Variants in PDCD1LG2 observed in about 807,000 individuals in gnomAD.
The protein encoded by PDCD1LG2 is B7 dendritic cell molecule.
PDCD1LG2 carries 32 observed loss-of-function variants against 28.2 expected under a neutral mutation model. The observed-to-expected ratio is 1.13, with a 90% CI of 0.86 to 1.52. The LOEUF (loss-of-function observed/expected upper bound fraction) is 1.52, where lower values mean the gene tolerates loss of function less well. Among genes scored for constraint, PDCD1LG2 ranks in the 40% most tolerant of loss-of-function variants. PDCD1LG2 has a pLI of 0.00. For synonymous variants in PDCD1LG2, 116 were observed against 120.2 expected, an observed-to-expected ratio of 0.97 and a Z score of 0.23; for missense variants, 385 against 323.8, an observed-to-expected ratio of 1.19 and a Z score of -1.45.
intron 1 of PDCD1LG2, among the ~76,000 whole-genome samples, chr9:5,512,964 C>A (rs180787855): frequency 8.5e-5 from 13 of 152,278 alleles, no homozygotes; most frequent in Admixed American, 2.6e-4. Flanking sequence ...TTCCTTGCTT[C>A]CTTTTTCTGA....
At chr9:5,545,451 AG>A (rs1241646966) in intron 3 of PDCD1LG2, among the ~76,000 whole-genome samples, 4 of 152,262 alleles carry the variant, frequency 2.6e-5, no homozygotes, top group Non-Finnish European at 5.9e-5. Context: ...TTCTAGAGGA[AG>A]TAGGAGTTTC....
intron 4 of PDCD1LG2, among the ~76,000 whole-genome samples, chr9:5,552,582 G>T (rs1435121538): frequency 6.6e-6 from 1 of 152,176 alleles, no homozygotes; most frequent in Non-Finnish European, 1.5e-5. Context: ...CCACCATCAA[G>T]TACAGTTGGG....
intron 3 of PDCD1LG2, among the ~76,000 whole-genome samples, chr9:5,540,621 T>C (rs190097631): frequency 3.4e-3 from 522 of 151,614 alleles, no homozygotes; most frequent in Middle Eastern, 0.027. Flanking sequence ...CTAGAGGAGA[T>C]GGATACATTC....
In PDCD1LG2 at chr9:5,522,522, G is replaced by A; in HGVS notation, c.-14-11G>A. ...TCACAAGGCCCTGAGACTTTCAATT[G>A]TCTATTTCAGATCAAATACAGAACA... On this transcript the variant is annotated splice_polypyrimidine_tract_variant and intron_variant, in intron 1 of 6. Coordinates refer to ENST00000397747, the MANE Select transcript of PDCD1LG2 (RefSeq NM_025239.4). 1 of 1,609,854 alleles carries A rather than the reference G, an allele frequency of 6.2e-7. No individual in the cohort carries two copies. The highest frequency in any genetic ancestry group is 8.5e-7 in the Non-Finnish European group (1 of 1,177,238).
chr9:5,527,814 A>G (rs1304774852), intron 2 of PDCD1LG2, among the ~76,000 whole-genome samples: 1 of 151,606 alleles, frequency 6.6e-6, no homozygotes, highest in East Asian at 1.9e-4. Flanking sequence ...CCTTCCCAGC[A>G]CTGGTATTCT....
Position 5,558,641 on chromosome 9 carries a change from C to T in PDCD1LG2, c.766+889C>T, listed in dbSNP as rs191736770. Among the ~76,000 whole-genome samples, 158 of 152,362 alleles carry T rather than the reference C, an allele frequency of 1.0e-3. 1 individual carries two copies. Among genetic ancestry groups the T allele is most frequent in the Admixed American group, 9.6e-3 (147 of 15,302 alleles). On this transcript the variant is annotated intron_variant, in intron 5 of 6. Transcript: ENST00000397747. ...GGAATTTTAAGTGGTTGTTATCTTA[C>T]ATTTATACTCATAACTTCTATATTT...
chr9:5,557,375 C>T (rs539696129), intron 4 of PDCD1LG2, among the ~76,000 whole-genome samples: 3 of 152,292 alleles, frequency 2.0e-5, no homozygotes, highest in African/African-American at 7.2e-5. Context: ...GGGAAAGCTT[C>T]CTAGTCTCTC....
intron 1 of PDCD1LG2, among the ~76,000 whole-genome samples, chr9:5,518,595 T>C (rs1820213208): frequency 1.3e-5 from 2 of 152,246 alleles, no homozygotes; most frequent in Non-Finnish European, 2.9e-5. Context: ...AGCATTTCCC[T>C]GTGGAAAGCA....
chr9:5,548,489 A>T (rs1586812257), intron 3 of PDCD1LG2, among the ~76,000 whole-genome samples: 1 of 152,238 alleles, frequency 6.6e-6, no homozygotes, highest in East Asian at 1.9e-4. Context: ...TCAACATACT[A>T]AATTCAATTC....
intron 3 of PDCD1LG2, among the ~76,000 whole-genome samples, chr9:5,548,110 T>C (rs1275000955): frequency 1.3e-5 from 2 of 151,998 alleles, no homozygotes; most frequent in Non-Finnish European, 2.9e-5. Context: ...TCATCACACA[T>C]GGCAATAGAT....
chr9:5,523,558 C>T (rs539229573), intron 2 of PDCD1LG2, among the ~76,000 whole-genome samples: 1 of 152,300 alleles, frequency 6.6e-6, no homozygotes, highest in South Asian at 2.1e-4. Context: ...CACTTGGGGC[C>T]CTCCTCAAAG....
intron 4 of PDCD1LG2, among the ~76,000 whole-genome samples, chr9:5,552,249 G>C (rs1434232008): frequency 6.6e-6 from 1 of 152,142 alleles, no homozygotes; most frequent in East Asian, 1.9e-4. Flanking sequence ...TGATAATCAA[G>C]ATTGATTTCT....
intron 6 of PDCD1LG2, among the ~76,000 whole-genome samples, chr9:5,566,988 G>C (rs866416357): frequency 2.0e-5 from 3 of 152,058 alleles, no homozygotes; most frequent in East Asian, 1.9e-4. Context: ...ATCAAGTATT[G>C]CTTTTTACTT....
intron 6 of PDCD1LG2, 69 bp downstream of exon 6, chr9:5,563,280 C>G: frequency 7.6e-7 from 1 of 1,310,326 alleles, no homozygotes. Flanking sequence ...TTTAAAGTAA[C>G]CACTGTTCTA....
rs138449486 is a variant in PDCD1LG2 at position 5,554,906 on chromosome 9, T to C, written c.632-2712T>C. 1.1e-3 allele frequency among the ~76,000 whole-genome samples: 162 copies of C among 152,306 alleles called. 1 individual carries two copies. The highest frequency in any genetic ancestry group is 3.8e-3 in the African/African-American group (157 of 41,564). ...ACTCTAGCACTCAGTCTCTCATGTG[T>C]AGCATGAGGGTGAGTAGTGGTAGAC... is the stretch of plus-strand genomic sequence containing the variant. On this transcript the variant is annotated intron_variant, in intron 4 of 6. Coordinates refer to ENST00000397747, the MANE Select transcript of PDCD1LG2 (RefSeq NM_025239.4).
chr9:5,517,525 G>T (rs1270033047), intron 1 of PDCD1LG2, among the ~76,000 whole-genome samples: 2 of 152,196 alleles, frequency 1.3e-5, no homozygotes, highest in African/African-American at 4.8e-5. Flanking sequence ...TGTCTTGGCT[G>T]TTGAAAAAAC....
intron 1 of PDCD1LG2, among the ~76,000 whole-genome samples, chr9:5,511,088 T>C (rs777177837): frequency 6.6e-6 from 1 of 152,188 alleles, no homozygotes; most frequent in Non-Finnish European, 1.5e-5. Flanking sequence ...ATTCTTAAGA[T>C]TGTCTCTCAG....
intron 4 of PDCD1LG2, among the ~76,000 whole-genome samples, chr9:5,551,604 C>T (rs1182388512): frequency 2.0e-5 from 3 of 152,164 alleles, no homozygotes; most frequent in African/African-American, 7.2e-5. Context: ...TGCTGCTGGG[C>T]TAGACATGCA....
intron 4 of PDCD1LG2, among the ~76,000 whole-genome samples, chr9:5,551,172 A>G (rs1816324454): frequency 6.6e-6 from 1 of 152,208 alleles, no homozygotes; most frequent in Admixed American, 6.5e-5. Context: ...TAGAATATGG[A>G]CATCTTTGGG....
Sources: gnomAD v4.1 joint callset for allele counts (sites outside exome capture counted in the v4.1 genomes callset) on GRCh38, gnomAD v4.1.1 for gene constraint, MANE v1.5 for transcripts, NCBI Gene and HGNC (gene_info 2026-07-23, HGNC 2026-07-21) for gene names.